Variants in SLC4A10 observed in about 807,000 individuals in gnomAD.
The protein encoded by SLC4A10 is solute carrier family 4 member 10.
In SLC4A10, 42 loss-of-function variants were observed where a neutral mutation model predicts 137.7. The ratio of observed to expected loss-of-function variants is 0.30; its 90% CI spans 0.24 to 0.39. The LOEUF (loss-of-function observed/expected upper bound fraction) is 0.39. SLC4A10 is among the 10% of genes least tolerant of loss of function. SLC4A10 has a pLI of 1.00. For missense variants in SLC4A10, 925 were observed against 1,355.0 expected (o/e 0.68, Z 4.98); for synonymous variants, 474 against 464.1 (o/e 1.02, Z -0.27).
At chr2:161,833,412 A>C (rs922654026) in intron 3 of SLC4A10, among the ~76,000 whole-genome samples, 17 of 152,268 alleles carry the variant, frequency 1.1e-4, no homozygotes, top group African/African-American at 3.4e-4. Context: ...TTAGTATTGC[A>C]CTCTTACAGC....
intron 10 of SLC4A10, among the ~76,000 whole-genome samples, chr2:161,890,983 A>C (rs1182259988): frequency 6.6e-6 from 1 of 152,140 alleles, no homozygotes; most frequent in African/African-American, 2.4e-5. Context: ...CTTGTAAGGC[A>C]GGCCTGGTAG....
intron 1 of SLC4A10, among the ~76,000 whole-genome samples, chr2:161,738,535 GT>G (rs1159069094): frequency 6.6e-6 from 1 of 152,182 alleles, no homozygotes; most frequent in African/African-American, 2.4e-5. Flanking sequence ...CCAAAACTTT[GT>G]GATTTGTACA....
chr2:161,888,497 G>T (rs1294558484), intron 10 of SLC4A10, among the ~76,000 whole-genome samples: 2 of 152,148 alleles, frequency 1.3e-5, no homozygotes, highest in Admixed American at 1.3e-4. Flanking sequence ...TCTCCTTGAA[G>T]AGGTCCTTCA....
Position 161,887,034 on chromosome 2 carries a change from A to G in SLC4A10, c.1194+4590A>G, listed in dbSNP as rs191413425. On this transcript the variant is annotated intron_variant, in intron 10 of 26. Coordinates refer to ENST00000446997, the MANE Select transcript of SLC4A10 (RefSeq NM_001178015.2). ...TCAACTCCCACTTATAAGTGAGAAC[A>G]TGCAGTGTTTGGTTTTCTTTTCCTG... is the stretch of plus-strand genomic sequence containing the variant. Among the ~76,000 whole-genome samples, 61 of 152,066 alleles carry G rather than the reference A, an allele frequency of 4.0e-4. 1 individual carries two copies. In the East Asian group the frequency reaches 9.3e-3, roughly 23 times the overall value.
chr2:161,966,062 C>T (rs995498965), intron 23 of SLC4A10, among the ~76,000 whole-genome samples: 7 of 152,208 alleles, frequency 4.6e-5, no homozygotes, highest in African/African-American at 1.7e-4. Context: ...TTCCTCAAAC[C>T]ATAGATATAT....
chr2:161,907,693 G>A (rs1200866125), intron 15 of SLC4A10, among the ~76,000 whole-genome samples: 1 of 152,208 alleles, frequency 6.6e-6, no homozygotes, highest in African/African-American at 2.4e-5. Flanking sequence ...AGTTAGGAAG[G>A]TGCTAAGGAA....
chr2:161,878,304 A>G (rs1181881510), intron 8 of SLC4A10, among the ~76,000 whole-genome samples: 1 of 152,180 alleles, frequency 6.6e-6, no homozygotes, highest in Non-Finnish European at 1.5e-5. Context: ...GAAACAAGAC[A>G]TAGATCTTGT....
intron 2 of SLC4A10, among the ~76,000 whole-genome samples, chr2:161,781,816 G>C (rs1208510192): frequency 6.6e-6 from 1 of 151,982 alleles, no homozygotes; most frequent in Non-Finnish European, 1.5e-5. Flanking sequence ...CTGCACCCTG[G>C]GTGAATGCAA....
chr2:161,896,160 T>G (rs1342286226), intron 11 of SLC4A10, among the ~76,000 whole-genome samples: 1 of 152,132 alleles, frequency 6.6e-6, no homozygotes, highest in Non-Finnish European at 1.5e-5. Flanking sequence ...GCACCATTTA[T>G]TAAATAGGGA....
intron 1 of SLC4A10, among the ~76,000 whole-genome samples, chr2:161,673,009 G>A (rs759047362): frequency 7.2e-5 from 11 of 152,186 alleles, no homozygotes; most frequent in South Asian, 4.1e-4. Flanking sequence ...AGGCTAATGC[G>A]TGTATCACGT....
At chr2:161,895,037 A>G (rs2063307671) in intron 11 of SLC4A10, among the ~76,000 whole-genome samples, 2 of 149,488 alleles carry the variant, frequency 1.3e-5, no homozygotes, top group Admixed American at 1.3e-4. Flanking sequence ...AGCATTAGGT[A>G]TATCTCCTAA....
intron 1 of SLC4A10, among the ~76,000 whole-genome samples, chr2:161,760,212 T>C (rs759853348): frequency 1.3e-5 from 2 of 152,000 alleles, no homozygotes; most frequent in Admixed American, 6.6e-5. Flanking sequence ...TTAACCTCCA[T>C]CTCTTTAGTT....
intron 21 of SLC4A10, among the ~76,000 whole-genome samples, chr2:161,960,780 G>A (rs1255314849): frequency 6.6e-6 from 1 of 151,990 alleles, no homozygotes; most frequent in Non-Finnish European, 1.5e-5. Context: ...ATAAATCAAG[G>A]GTGCTAGGAG....
chr2:161,963,242 A>T (rs1697025389), intron 21 of SLC4A10, among the ~76,000 whole-genome samples: 1 of 152,268 alleles, frequency 6.6e-6, no homozygotes, highest in Non-Finnish European at 1.5e-5. Flanking sequence ...TTGCTTGATT[A>T]AAAAAGCCCT....
chr2:161,631,861 A>G (rs1417618741), intron 1 of SLC4A10, among the ~76,000 whole-genome samples: 1 of 151,712 alleles, frequency 6.6e-6, no homozygotes, highest in Non-Finnish European at 1.5e-5. Context: ...CTACAAACTC[A>G]GTTGGATAGA....
At chr2:161,818,868 A>G (rs1264562386) in intron 3 of SLC4A10, among the ~76,000 whole-genome samples, 1 of 152,142 alleles carries the variant, frequency 6.6e-6, no homozygotes, top group African/African-American at 2.4e-5. Flanking sequence ...GTGTTGCTGT[A>G]TTCAGTTTGC....
chr2:161,697,702 A>G (rs1369269241), intron 1 of SLC4A10, among the ~76,000 whole-genome samples: 3 of 152,148 alleles, frequency 2.0e-5, no homozygotes, highest in Non-Finnish European at 2.9e-5. Flanking sequence ...TGTTTTGGTT[A>G]CTGTAGGCTT....
Position 161,905,777 on chromosome 2 carries a change from T to C in SLC4A10, c.1887T>C (p.Ala629=), listed in dbSNP as rs1362660209. The change falls in exon 15 of 27, where the codon GCT becomes GCC. Residue 629 remains alanine, a synonymous_variant. Coordinates refer to ENST00000446997, the MANE Select transcript of SLC4A10 (RefSeq NM_001178015.2). ...YITRFTEEAF[A]SLICIIFIYE... Reference sequence around the variant, plus strand: ...CTCGGTTTACTGAAGAAGCTTTTGCTTCCCTGATTTGCATCATTTTCATTT... The same window carrying C: ...CTCGGTTTACTGAAGAAGCTTTTGCCTCCCTGATTTGCATCATTTTCATTT... 5 of 1,613,908 alleles carry C rather than the reference T, an allele frequency of 3.1e-6. No homozygotes were observed. Among genetic ancestry groups the C allele is most frequent in the Non-Finnish European group, 3.4e-6 (4 of 1,179,898 alleles).
chr2:161,741,659 C>G (rs1415419834), intron 1 of SLC4A10, among the ~76,000 whole-genome samples: 2 of 152,020 alleles, frequency 1.3e-5, no homozygotes, highest in African/African-American at 4.8e-5. Flanking sequence ...GGCAGGATCT[C>G]CTTTAAATTT....
Sources: allele counts gnomAD v4.1 joint callset (sites outside exome capture counted in the v4.1 genomes callset), GRCh38; gene constraint gnomAD v4.1.1; transcripts MANE v1.5; gene names NCBI Gene and HGNC (gene_info 2026-07-23, HGNC 2026-07-21).